Variants in ZCCHC2 observed in about 807,000 individuals in gnomAD.
ZCCHC2 encodes the protein zinc finger CCHC-type containing 2, also known as zinc finger CCHC domain-containing protein 2.
In ZCCHC2, 39 loss-of-function variants were observed where a neutral mutation model predicts 103.6. The observed-to-expected ratio is 0.38, with a 90% confidence interval of 0.29 to 0.49. The LOEUF (loss-of-function observed/expected upper bound fraction) is 0.49. ZCCHC2 is among the 20% of genes least tolerant of loss of function. The pLI, the probability that ZCCHC2 is intolerant of heterozygous loss-of-function variation, is 0.96. For synonymous variants in ZCCHC2, 687 were observed against 608.9 expected (o/e 1.13, Z -1.89); for missense variants, 1,483 against 1,491.0 (o/e 0.99, Z 0.09).
chr18:62,583,615 A>G (rs746740566), intron 14 of ZCCHC2, among the ~76,000 whole-genome samples: 8 of 151,482 alleles, frequency 5.3e-5, no homozygotes, highest in Non-Finnish European at 1.0e-4. Flanking sequence ...AGCTGTGACA[A>G]TAGTTCCACC....
At position 62,528,468 on chromosome 18, in the gene ZCCHC2, A is replaced by G. The variant is rs1914533689; in HGVS notation, c.939+4105A>G. The stretch of plus-strand genomic sequence containing the variant: ...AAAAAAGTTAGCCGGGCATGGTGGC[A>G]CATGCCTGTAGTCCCAGCTACTCTG... On this transcript the variant is annotated intron_variant, in intron 1 of 13. Coordinates refer to ENST00000269499, the MANE Select transcript of ZCCHC2 (RefSeq NM_017742.6). 2.0e-5 allele frequency among the ~76,000 whole-genome samples: 3 copies of G among 152,116 alleles called. No homozygotes were observed. In the South Asian group the frequency reaches 6.2e-4, roughly 32 times the overall value.
chr18:62,572,360 C>A (rs117740013), intron 12 of ZCCHC2, among the ~76,000 whole-genome samples: 1 of 152,308 alleles, frequency 6.6e-6, no homozygotes, highest in South Asian at 2.1e-4. Flanking sequence ...TGTTAGTGTA[C>A]ATCTGTACAC....
chr18:62,523,588 G>C lies in ZCCHC2; in HGVS notation c.164G>C (p.Arg55Pro). 1 of 990,950 alleles carries C rather than the reference G, an allele frequency of 1.0e-6. No homozygotes were observed. Among genetic ancestry groups the C allele is most frequent in the African/African-American group, 1.8e-5 (1 of 56,268 alleles). The allele number at this position is 990,950 out of a possible 1,614,324, so 61.4% of individuals were successfully genotyped here. A position where few individuals can be genotyped will look rare whatever the true frequency, so the allele number is the denominator to read the frequency against. ...CCGCCGCCGCCCGCGGGCCCGTCGC[G>C]GGGCCCTCTGCCGCCGCCGCCGCCG... ...PPPPPPAGPS[R>P]GPLPPPPPPR... is the part of the protein sequence containing the mutation. The change falls in exon 1 of 14, where the codon CGG becomes CCG. Residue 55 changes from arginine (R) to proline (P), a missense_variant. Arg to Pro is a moderately radical substitution (Grantham distance 103). Around this residue, in one of 3 missense-constraint regions of ZCCHC2, gnomAD observed 568 missense variants for 525.1 expected, o/e 1.08. Coordinates refer to ENST00000269499, the MANE Select transcript of ZCCHC2 (RefSeq NM_017742.6).
Position 62,577,003 on chromosome 18 carries a change from C to G in ZCCHC2, c.*424C>G, listed in dbSNP as rs1439324487. The G allele has an allele frequency of 1.3e-5, 2 of 158,126 alleles. No individual in the cohort carries two copies. Among genetic ancestry groups the G allele is most frequent in the African/African-American group, 4.8e-5 (2 of 41,444 alleles). 9.8% of individuals were successfully genotyped at this position (158,126 alleles called of 1,614,324 possible). The stretch of plus-strand genomic sequence containing the variant: ...CTTCCCAGCTTTTCTCACTTTCACC[C>G]TAAACGACACTTCCTCCCCAGCCAG... On this transcript the variant is annotated 3_prime_UTR_variant, in exon 14 of 14. Coordinates refer to ENST00000269499, the MANE Select transcript of ZCCHC2 (RefSeq NM_017742.6).
In ZCCHC2 at chr18:62,574,515, G is replaced by A; in HGVS notation, c.2434G>A (p.Val812Ile). 1 of 1,613,934 alleles carries A rather than the reference G, an allele frequency of 6.2e-7. No homozygotes were observed. The highest frequency in any genetic ancestry group is 8.5e-7 in the Non-Finnish European group (1 of 1,179,892). ...TAGTACTCCCGCTTTGCATCTTACA[G>A]TTCAGAGGCTAAAGTTGCCACCACC... ...HSSTPALHLT[V>I]QRLKLPPPQG... The change falls in exon 13 of 14, where the codon GTT (valine) becomes ATT (isoleucine). Residue 812 changes from valine to isoleucine, a missense_variant. By Grantham distance (29) the Val-to-Ile change is conservative. Coordinates refer to ENST00000269499, the MANE Select transcript of ZCCHC2 (RefSeq NM_017742.6).
intron 1 of ZCCHC2, among the ~76,000 whole-genome samples, chr18:62,533,127 T>C (rs965147065): frequency 1.3e-5 from 2 of 152,164 alleles, no homozygotes; most frequent in Admixed American, 1.3e-4. Context: ...AATTTTAAGT[T>C]CCCCAAAGGC....
Position 62,567,039 on chromosome 18 carries a change from C to T in ZCCHC2, c.1846+1943C>T, listed in dbSNP as rs150023562. ...ACCTCAGCGTATTTTTCAATTTTAT[C>T]TATTTTCTCCTCTATATCCGTCACC... On this transcript the variant is annotated intron_variant, in intron 11 of 13. Transcript: ENST00000269499. Among the ~76,000 whole-genome samples the T allele has an allele frequency of 2.5e-3, 387 of 152,228 alleles. 3 individuals carry two copies. The highest frequency in any genetic ancestry group is 7.0e-3 in the Admixed American group (107 of 15,292).
At chr18:62,580,041 C>G (rs1917000915), downstream of ZCCHC2, among the ~76,000 whole-genome samples, 1 of 152,298 alleles carries the variant, frequency 6.6e-6, no homozygotes, top group East Asian at 1.9e-4. Flanking sequence ...TTCTGTTACT[C>G]TTTTACTTGT....
At chr18:62,556,411 T>TTAAAAATGTATGTC in intron 6 of ZCCHC2, 114 bp downstream of exon 6, 1 of 771,222 alleles carries the variant, frequency 1.3e-6, no homozygotes, top group Non-Finnish European at 2.0e-6. Flanking sequence ...AATAGTGACA[T>TTAAAAATGTATGTC]ACATTTTTAA....
In ZCCHC2 at chr18:62,524,381, T is replaced by C; in HGVS notation, c.939+18T>C. The C allele has an allele frequency of 6.9e-7, 1 of 1,458,892 alleles. No individual in the cohort carries two copies. 90.4% of individuals were successfully genotyped at this position (1,458,892 alleles called of 1,614,324 possible). Reference sequence around the variant, plus strand: ...GGGCCCAGGTAAGGCGCACGGAGCCTCCCTGGACTCGCGGTGCGATCGCTG... The same window carrying C: ...GGGCCCAGGTAAGGCGCACGGAGCCCCCCTGGACTCGCGGTGCGATCGCTG... On this transcript the variant is annotated intron_variant, in intron 1 of 13. Transcript: ENST00000269499.
Position 62,523,980 on chromosome 18 carries a change from G to A in ZCCHC2, c.556G>A (p.Glu186Lys), listed in dbSNP as rs749209007. 25 of 1,494,064 alleles carry A rather than the reference G, an allele frequency of 1.7e-5. No individual in the cohort carries two copies. The South Asian group carries it at 2.7e-4, about 16-fold the overall frequency. The allele number at this position is 1,494,064 out of a possible 1,614,324, so 92.6% of individuals were successfully genotyped here. Residue 186 changes from glutamate to lysine, a missense_variant, in exon 1 of 14, where the codon GAG becomes AAG. By Grantham distance (56) the Glu-to-Lys change is moderately conservative. Around this residue, in one of 3 missense-constraint regions of ZCCHC2, gnomAD observed 568 missense variants for 525.1 expected, o/e 1.08. Transcript: ENST00000269499. ...YLALLGSENR[E>K]AAGRLHRLLP... ...GGCGCTGCTGGGCTCGGAGAACCGG[G>A]AGGCCGCTGGCCGTCTGCACCGCCT...
chr18:62,564,535 C>A, intron 9 of ZCCHC2, 36 bp from the exon 10 acceptor site: 2 of 1,435,558 alleles, frequency 1.4e-6, no homozygotes, highest in Non-Finnish European at 1.9e-6. Context: ...AATGGTTTAG[C>A]TTTTGTCTGA....
intron 4 of ZCCHC2, among the ~76,000 whole-genome samples, chr18:62,545,535 T>C (rs1377625718): frequency 6.6e-6 from 1 of 152,228 alleles, no homozygotes; most frequent in Admixed American, 6.5e-5. Flanking sequence ...AAAGGTATCT[T>C]AGATCATTTT....
chr18:62,563,413 C>T (rs183811799), intron 9 of ZCCHC2, among the ~76,000 whole-genome samples: 101 of 152,288 alleles, frequency 6.6e-4, no homozygotes, highest in Non-Finnish European at 1.5e-4. Context: ...AATCCCAGCA[C>T]TTTGGGAAGC....
chr18:62,525,765 C>T (rs933910957), intron 1 of ZCCHC2, among the ~76,000 whole-genome samples: 1 of 151,972 alleles, frequency 6.6e-6, no homozygotes, highest in Non-Finnish European at 1.5e-5. Flanking sequence ...GAAATTTTGT[C>T]ATCTTCCAGC....
chr18:62,546,990 A>T lies in ZCCHC2; in HGVS notation c.1200+2117A>T, dbSNP rs75160115. Among the ~76,000 whole-genome samples, 245 of 152,262 alleles carry T rather than the reference A, an allele frequency of 1.6e-3. 3 individuals carry two copies. In the East Asian group the frequency reaches 0.026, roughly 16 times the overall value. ...TATGATACTTTTCCAAGTTTACCTT[A>T]TCCTTTTTTTCTTTTACCTTCTTTT... is the stretch of plus-strand genomic sequence containing the variant. On this transcript the variant is annotated intron_variant, in intron 4 of 13. Transcript: ENST00000269499.
At chr18:62,568,471 G>A (rs1351171574) in intron 11 of ZCCHC2, among the ~76,000 whole-genome samples, 1 of 152,182 alleles carries the variant, frequency 6.6e-6, no homozygotes, top group Non-Finnish European at 1.5e-5. Flanking sequence ...AGTTACGTTA[G>A]TATAGATTTA....
In ZCCHC2 at chr18:62,574,469, A is replaced by G; in HGVS notation, c.2388A>G (p.Pro796=). The G allele has an allele frequency of 6.2e-7, 1 of 1,613,964 alleles. No individual in the cohort carries two copies. ...TACTGGCTTCCCCTTTACCTATTCCATCAACCTTCCTTCCACACAGTAGTA... is the reference window on the plus strand; with the variant it reads ...TACTGGCTTCCCCTTTACCTATTCCGTCAACCTTCCTTCCACACAGTAGTA... ...LELLASPLPI[P]STFLPHSSTP... Residue 796 remains proline, a synonymous_variant, in exon 13 of 14, where the codon CCA becomes CCG. Transcript: ENST00000269499.
rs867776503 is a variant in ZCCHC2, at chr18:62,574,455, C to T, written c.2374C>T (p.Pro792Ser). 2 of 1,613,968 alleles carry T rather than the reference C, an allele frequency of 1.2e-6. No homozygotes were observed. The highest frequency in any genetic ancestry group is 8.5e-7 in the Non-Finnish European group (1 of 1,179,892). ...AAAGCACCTTGAGTTACTGGCTTCCCCTTTACCTATTCCATCAACCTTCCT... is the reference window on the plus strand; with the variant it reads ...AAAGCACCTTGAGTTACTGGCTTCCTCTTTACCTATTCCATCAACCTTCCT... ...SEKHLELLAS[P>S]LPIPSTFLPH... Residue 792 changes from proline to serine, a missense_variant, in exon 13 of 14, where the codon CCT becomes TCT. By Grantham distance (74) the Pro-to-Ser change is moderately conservative (BLOSUM62 -1). Coordinates refer to ENST00000269499, the MANE Select transcript of ZCCHC2 (RefSeq NM_017742.6).
Sources: allele counts gnomAD v4.1 joint callset (sites outside exome capture counted in the v4.1 genomes callset), GRCh38; gene constraint gnomAD v4.1.1; regional missense constraint gnomAD v4.1.1; transcripts MANE v1.5; gene names NCBI Gene and HGNC (gene_info 2026-07-23, HGNC 2026-07-21).